SLC23A3: variants seen among roughly 807,000 people sequenced by gnomAD.
The protein encoded by SLC23A3 is E2-binding protein 3.
SLC23A3 carries 41 observed loss-of-function variants against 64.7 expected under a neutral mutation model. That is an observed-to-expected ratio of 0.63 (90% CI 0.49 to 0.82). The LOEUF (loss-of-function observed/expected upper bound fraction) is 0.82, where lower values mean the gene tolerates loss of function less well. Ranked by LOEUF, SLC23A3 falls within the 40% of genes least tolerant of loss-of-function variation. The probability of loss-of-function intolerance (pLI) is 0.00; values close to 1 mark genes in which losing one functional copy is unlikely to be tolerated. For missense variants in SLC23A3, 647 were observed against 733.4 expected, an observed-to-expected ratio of 0.88 and a Z score of 1.36; for synonymous variants, 281 against 306.8, an observed-to-expected ratio of 0.92 and a Z score of 0.88.
chr2:219,162,944 G>C (rs1480794109), intron 10 of SLC23A3, among the ~76,000 whole-genome samples: 6 of 152,186 alleles, frequency 3.9e-5, no homozygotes, highest in Non-Finnish European at 7.3e-5. Context: ...TGAGAACTGG[G>C]TGAGACAAAT....
chr2:219,161,683 CTCAA>C lies in SLC23A3; in HGVS notation c.*222_*225del, dbSNP rs1949943636. ...GGCATTGATAGTACACAGGCAAAAT[CTCAA>C]TCATTCATGGTCCACTAAATCATGG... On this transcript the variant is annotated 3_prime_UTR_variant, in exon 12 of 12. Transcript: ENST00000409878. 2.3e-6 allele frequency: 1 copy of C among 431,342 alleles called. No individual in the cohort carries two copies. The highest frequency in any genetic ancestry group is 4.1e-6 in the Non-Finnish European group (1 of 244,216). 26.7% of individuals were successfully genotyped at this position (431,342 alleles called of 1,614,324 possible).
In SLC23A3 at chr2:219,162,434, C is replaced by T. The variant is rs187846824; in HGVS notation, c.1442-40G>A. The T allele has an allele frequency of 2.1e-5, 32 of 1,497,442 alleles. 1 individual carries two copies. The African/African-American group carries it at 3.6e-4, about 17-fold the overall frequency. 92.8% of individuals were successfully genotyped at this position (1,497,442 alleles called of 1,614,324 possible). A position where few individuals can be genotyped will look rare whatever the true frequency, so the allele number is the denominator to read the frequency against. On this transcript the variant is annotated intron_variant, in intron 10 of 11. Coordinates refer to ENST00000409878, the MANE Select transcript of SLC23A3 (RefSeq NM_001144889.2). ...GGCCAGGCAGGAAGGGAACTCTGATCCTATATCCAAGCCCAGGAGTCTTAC... is the reference window on the plus strand; with the variant it reads ...GGCCAGGCAGGAAGGGAACTCTGATTCTATATCCAAGCCCAGGAGTCTTAC...
Position 219,169,683 on chromosome 2 carries a change from A to G in SLC23A3, c.163-5T>C. The G allele has an allele frequency of 6.2e-7, 1 of 1,614,032 alleles. No individual in the cohort carries two copies. The highest frequency in any genetic ancestry group is 8.5e-7 in the Non-Finnish European group (1 of 1,179,956). ...AGAAGCCATGACCAAGACATGCTGC[A>G]GGTGGAGGAATGGGGAGGGCAGTCT... On this transcript the variant is annotated splice_region_variant and splice_polypyrimidine_tract_variant and intron_variant, in intron 1 of 11. Coordinates refer to ENST00000409878, the MANE Select transcript of SLC23A3 (RefSeq NM_001144889.2). The surrounding 1 kb of genome is among the most constrained non-coding windows in gnomAD (Gnocchi z 4.5).
intron 7 of SLC23A3, among the ~76,000 whole-genome samples, chr2:219,167,448 T>C (rs1469605703): frequency 6.6e-6 from 1 of 152,044 alleles, no homozygotes; most frequent in East Asian, 1.9e-4. Flanking sequence ...GTCTGTCTCC[T>C]AACACTGACC....
In SLC23A3 at chr2:219,161,649, G is replaced by T; in HGVS notation, c.*260C>A. ...CAGTAAGTATTAAAGTGAATGCTGG[G>T]GTTCAAGTGGCATTGATAGTACACA... On this transcript the variant is annotated 3_prime_UTR_variant, in exon 12 of 12. Coordinates refer to ENST00000409878, the MANE Select transcript of SLC23A3 (RefSeq NM_001144889.2). 2.8e-6 allele frequency: 1 copy of T among 358,960 alleles called. No individual in the cohort carries two copies. The highest frequency in any genetic ancestry group is 5.0e-6 in the Non-Finnish European group (1 of 198,642). 22.2% of individuals were successfully genotyped at this position (358,960 alleles called of 1,614,324 possible). A position where few individuals can be genotyped will look rare whatever the true frequency, so the allele number is the denominator to read the frequency against.
At chr2:219,168,141 G>A (rs1950022331) in intron 6 of SLC23A3, 54 bp downstream of exon 6, 3 of 1,596,934 alleles carry the variant, frequency 1.9e-6, no homozygotes, top group Admixed American at 3.5e-5. Flanking sequence ...GATGGAGTGA[G>A]CACTCCAGGC....
At chr2:219,166,748 G>A (rs1950009074) in intron 7 of SLC23A3, among the ~76,000 whole-genome samples, 1 of 151,936 alleles carries the variant, frequency 6.6e-6, no homozygotes, top group Non-Finnish European at 1.5e-5. Flanking sequence ...TACCCAGGCT[G>A]CTCTCGAAAT....
rs770626019 is a variant in SLC23A3 at position 219,161,998 on chromosome 2, A to G, written c.1744T>C (p.Ser582Pro). ...AAGTCTGCCATCTCTTCTGGCTCAG[A>G]GGAGCCTCCTTCCTCATCCCCAGGG... is the stretch of plus-strand genomic sequence containing the variant. ...EDPGDEEGGSSEPEEMADLLP... is the reference protein window; with the variant it reads ...EDPGDEEGGSPEPEEMADLLP... The change falls in exon 12 of 12, where the codon TCT becomes CCT. Residue 582 changes from serine to proline, a missense_variant. By Grantham distance (74) the Ser-to-Pro change is moderately conservative. Transcript: ENST00000409878. 2.5e-6 allele frequency: 4 copies of G among 1,613,968 alleles called. No individual in the cohort carries two copies. Among genetic ancestry groups the G allele is most frequent in the South Asian group, 1.1e-5 (1 of 91,052 alleles).
chr2:219,163,733 C>T (rs1306582723), intron 9 of SLC23A3, among the ~76,000 whole-genome samples, 178 bp from the exon 10 acceptor site: 1 of 151,966 alleles, frequency 6.6e-6, no homozygotes, highest in Non-Finnish European at 1.5e-5. Context: ...CTCACTGTAA[C>T]GCCCAGCCTG....
intron 5 of SLC23A3, 34 bp from the exon 6 acceptor site, chr2:219,168,352 G>C: frequency 6.5e-7 from 1 of 1,546,886 alleles, no homozygotes; most frequent in Non-Finnish European, 8.7e-7. Flanking sequence ...GCAAGAGGCA[G>C]TGGGTATCCT....
chr2:219,168,233 A>G lies in SLC23A3; in HGVS notation c.760T>C (p.Ser254Pro). ...AAGACAGGGAGAGGAGTGTGAGTTG[A>G]TGACGTTGAAGCTCGCCTCCAGGGG... ...VCPWRRASTS[S>P]THTPLPVFRL... The change falls in exon 6 of 12, where the codon TCA (serine) becomes CCA (proline). Residue 254 changes from serine (S) to proline (P), a missense_variant. By Grantham distance (74) the Ser-to-Pro change is moderately conservative (BLOSUM62 -1). Transcript: ENST00000409878. The G allele has an allele frequency of 6.2e-7, 1 of 1,614,050 alleles. No individual in the cohort carries two copies. The highest frequency in any genetic ancestry group is 8.5e-7 in the Non-Finnish European group (1 of 1,179,978).
In SLC23A3 at chr2:219,169,887, G is replaced by A. The variant is rs527728215; in HGVS notation, c.98C>T (p.Thr33Ile). The change falls in exon 1 of 12, where the codon ACC (threonine) becomes ATC (isoleucine). Residue 33 changes from threonine (T) to isoleucine (I), a missense_variant. Thr to Ile is a moderately conservative substitution (Grantham distance 89). Transcript: ENST00000409878. This position sits in a 1 kb window ranked among gnomAD's most constrained non-coding sequence, Gnocchi z 4.5. ...LPPPAPQNPS[T>I]HSWDPLCGSL... ...TCCACACAAAGGGTCCCAAGAGTGG[G>A]TGGAGGGATTCTGGGGAGCAGGTGG... 9 of 1,613,698 alleles carry A rather than the reference G, an allele frequency of 5.6e-6. No individual in the cohort carries two copies. The African/African-American group carries it at 6.7e-5, about 12-fold the overall frequency.
At chr2:219,168,345 A>G (rs1246748146) in intron 5 of SLC23A3, 27 bp from the exon 6 acceptor site, 2 of 1,560,130 alleles carry the variant, frequency 1.3e-6, no homozygotes, top group African/African-American at 2.7e-5. Context: ...TTTAGGAGCA[A>G]GAGGCAGTGG....
In SLC23A3 at chr2:219,164,300, GAGT is replaced by G. The variant is rs753294734; in HGVS notation, c.1203_1205del (p.Leu402del). The G allele has an allele frequency of 6.2e-7, 1 of 1,608,546 alleles. No individual in the cohort carries two copies. Among genetic ancestry groups the G allele is most frequent in the South Asian group, 1.1e-5 (1 of 89,684 alleles). ...TGGGGGAGAGTCCAAGCCCCACGCA[GAGT>G]AGCCCCACTAAGTGAGCCACTTGCT... On this transcript the variant is annotated inframe_deletion, in exon 9 of 12. Transcript: ENST00000409878.
chr2:219,166,267 C>T (rs1046382476), intron 7 of SLC23A3, among the ~76,000 whole-genome samples: 1 of 152,210 alleles, frequency 6.6e-6, no homozygotes, highest in African/African-American at 2.4e-5. Flanking sequence ...GCAATCATAG[C>T]TCACTGCAGC....
At chr2:219,163,071 A>T (rs1444932886) in intron 10 of SLC23A3, among the ~76,000 whole-genome samples, 1 of 152,226 alleles carries the variant, frequency 6.6e-6, no homozygotes. Flanking sequence ...TTTAAAACTT[A>T]CCATCCTTCA....
rs191007609 is a variant in SLC23A3, at chr2:219,166,486, G to C, written c.914-1064C>G. 3.0e-3 allele frequency among the ~76,000 whole-genome samples: 455 copies of C among 151,494 alleles called. 2 individuals are homozygous for C. The highest frequency in any genetic ancestry group is 0.011 in the African/African-American group (437 of 41,344). On this transcript the variant is annotated intron_variant, in intron 7 of 11. Transcript: ENST00000409878. ...TGCTGGAATTTCAGGTGTGAGCCATGGTGCCTGGCTATTTTATTTTATTTT... is the reference window on the plus strand; with the variant it reads ...TGCTGGAATTTCAGGTGTGAGCCATCGTGCCTGGCTATTTTATTTTATTTT...
intron 7 of SLC23A3, among the ~76,000 whole-genome samples, chr2:219,165,920 G>A (rs1210362553): frequency 6.6e-6 from 1 of 152,134 alleles, no homozygotes; most frequent in East Asian, 1.9e-4. Context: ...GCTCACCTGA[G>A]GTCAGGAGTT....
chr2:219,165,389 G>GCT lies in SLC23A3; in HGVS notation c.945_946dup (p.Ala316GlufsTer42). On this transcript the variant is annotated frameshift_variant, in exon 8 of 12. Coordinates refer to ENST00000409878, the MANE Select transcript of SLC23A3 (RefSeq NM_001144889.2). LOFTEE classifies it high-confidence loss of function. ...GGCCATGGAGATGCCTGCAGCCAGA[G>GCT]CTCTGGGCGTCAGCAAAGGCCAATT... The GCT allele has an allele frequency of 6.4e-7, 1 of 1,551,014 alleles. No individual in the cohort carries two copies. The highest frequency in any genetic ancestry group is 8.7e-7 in the Non-Finnish European group (1 of 1,146,770).
Sources: gnomAD v4.1 joint callset for allele counts (sites outside exome capture counted in the v4.1 genomes callset) on GRCh38, gnomAD v4.1.1 for gene constraint, Gnocchi (gnomAD v3.1) non-coding constraint, MANE v1.5 for transcripts, NCBI Gene and HGNC (gene_info 2026-07-23, HGNC 2026-07-21) for gene names.